Variants in PGM2L1 observed in about 807,000 individuals in gnomAD.
The protein encoded by PGM2L1 is phosphoglucomutase 2 like 1.
A neutral mutation model predicts 73.4 loss-of-function variants in PGM2L1; 35 were observed. The ratio of observed to expected loss-of-function variants is 0.48; its 90% CI spans 0.36 to 0.63. The LOEUF is 0.63. PGM2L1 is among the 30% of genes least tolerant of loss of function. The pLI, the probability that PGM2L1 is intolerant of heterozygous loss-of-function variation, is 0.00. For missense variants in PGM2L1, 570 were observed against 742.0 expected, an observed-to-expected ratio of 0.77 and a Z score of 2.69; for synonymous variants, 225 against 253.8, an observed-to-expected ratio of 0.89 and a Z score of 1.08.
intron 2 of PGM2L1, among the ~76,000 whole-genome samples, chr11:74,373,196 C>T (rs950209437): frequency 6.6e-6 from 1 of 152,156 alleles, no homozygotes; most frequent in African/African-American, 2.4e-5. Context: ...CTCCCCCACC[C>T]CTTTTTGTAA....
At chr11:74,354,886 T>C in intron 5 of PGM2L1, 1 of 861,704 alleles carries the variant, frequency 1.2e-6, no homozygotes, top group Non-Finnish European at 2.0e-6. Context: ...AAAAGGGGCT[T>C]TGTCTTTGTA....
chr11:74,381,190 T>A (rs1862937427), intron 1 of PGM2L1, among the ~76,000 whole-genome samples: 3 of 152,224 alleles, frequency 2.0e-5, no homozygotes, highest in Admixed American at 6.5e-5. Context: ...TATCCTCACC[T>A]GTAAAAAACA....
chr11:74,345,338 A>G (rs1433570439), intron 9 of PGM2L1, 131 bp downstream of exon 9: 21 of 891,600 alleles, frequency 2.4e-5, no homozygotes, highest in Non-Finnish European at 3.3e-5. Context: ...GAGACTGAAC[A>G]AGTGTTAACA....
intron 8 of PGM2L1, among the ~76,000 whole-genome samples, chr11:74,345,875 C>T (rs1484679992): frequency 1.3e-5 from 2 of 152,118 alleles, no homozygotes; most frequent in Non-Finnish European, 2.9e-5. Context: ...TACATTTATT[C>T]TTTTACTTAA....
In PGM2L1 at chr11:74,368,231, G is replaced by A. The variant is rs183674476; in HGVS notation, c.555+261C>T. 5.3e-5 allele frequency among the ~76,000 whole-genome samples: 8 copies of A among 152,310 alleles called. No individual in the cohort carries two copies. In the East Asian group the frequency reaches 1.5e-3, roughly 29 times the overall value. On this transcript the variant is annotated intron_variant, in intron 5 of 13. Coordinates refer to ENST00000298198, the MANE Select transcript of PGM2L1 (RefSeq NM_173582.6). ...TGTGACTTTATGAAACGGTAGAGAG[G>A]ATGGATTTAGGAAGGGATAGAGAAA...
chr11:74,350,740 G>A (rs1862336881), intron 6 of PGM2L1, among the ~76,000 whole-genome samples: 1 of 152,162 alleles, frequency 6.6e-6, no homozygotes, highest in African/African-American at 2.4e-5. Context: ...AGCCAGGCAT[G>A]GTAGTGGTTG....
At chr11:74,393,463 T>C (rs630078) in intron 1 of PGM2L1, among the ~76,000 whole-genome samples, 111,763 of 152,060 alleles carry the variant, frequency 0.73, 42,054 homozygotes, top group Non-Finnish European at 0.83. Flanking sequence ...TCACTCACCA[T>C]CTTTTCTATC....
chr11:74,337,614 A>G (rs960978309), intron 13 of PGM2L1, among the ~76,000 whole-genome samples: 2 of 152,218 alleles, frequency 1.3e-5, no homozygotes, highest in African/African-American at 4.8e-5. Flanking sequence ...TATGAAATTC[A>G]CTTAGTCACA....
rs145738104 is a variant in PGM2L1 at position 74,371,978 on chromosome 11, A to G, written c.280-161T>C. ...ACCAGTGTGGGAGCAATACTGTTCA[A>G]TCCAGAAATGTAAGATGACAAACAT... On this transcript the variant is annotated intron_variant, in intron 2 of 13. Transcript: ENST00000298198. 7.9e-4 allele frequency among the ~76,000 whole-genome samples: 121 copies of G among 152,282 alleles called. 1 individual carries two copies. Among genetic ancestry groups the G allele is most frequent in the African/African-American group, 2.4e-3 (99 of 41,570 alleles).
chr11:74,333,746 G>A lies in PGM2L1; in HGVS notation c.*2906C>T, dbSNP rs898961949. 8 of 152,252 alleles carry A rather than the reference G, an allele frequency of 5.3e-5. No individual in the cohort carries two copies. The East Asian group carries it at 7.7e-4, about 15-fold the overall frequency. The allele number at this position is 152,252 out of a possible 1,614,324, so 9.4% of individuals were successfully genotyped here. A position where few individuals can be genotyped will look rare whatever the true frequency, so the allele number is the denominator to read the frequency against. ...TTGCCCTTCACGAGAAGCATTTCCCGTGTCTCTTTATATTGTTTGCTTATT... is the reference window on the plus strand; with the variant it reads ...TTGCCCTTCACGAGAAGCATTTCCCATGTCTCTTTATATTGTTTGCTTATT... On this transcript the variant is annotated 3_prime_UTR_variant, in exon 14 of 14. Transcript: ENST00000298198.
At chr11:74,396,572 G>A (rs557242400) in intron 1 of PGM2L1, among the ~76,000 whole-genome samples, 62 of 152,146 alleles carry the variant, frequency 4.1e-4, no homozygotes, top group African/African-American at 1.4e-3. Flanking sequence ...CCGCCACCGC[G>A]CCCGGCTAAT....
chr11:74,342,809 A>C, intron 11 of PGM2L1, 76 bp downstream of exon 11: 1 of 1,445,026 alleles, frequency 6.9e-7, no homozygotes, highest in South Asian at 1.5e-5. Context: ...TATTCTTCAG[A>C]AACAAATTTA....
chr11:74,393,181 G>A (rs1591195196), intron 1 of PGM2L1, among the ~76,000 whole-genome samples: 1 of 152,272 alleles, frequency 6.6e-6, no homozygotes, highest in East Asian at 1.9e-4. Flanking sequence ...TTTCCCAAAA[G>A]TAATAAAGCC....
intron 9 of PGM2L1, among the ~76,000 whole-genome samples, chr11:74,344,630 A>G (rs1286608323): frequency 6.6e-6 from 1 of 152,246 alleles, no homozygotes; most frequent in African/African-American, 2.4e-5. Context: ...CAACAAAAAC[A>G]AGCAAATAAA....
chr11:74,390,752 A>C lies in PGM2L1; in HGVS notation c.111+7299T>G, dbSNP rs78731119. 9.0e-3 allele frequency among the ~76,000 whole-genome samples: 1,364 copies of C among 152,338 alleles called. 22 individuals are homozygous for C. The highest frequency in any genetic ancestry group is 0.029 in the African/African-American group (1,210 of 41,582). ...GTGCAATAAGCCCAAACCCAAAATA[A>C]CTTGATAACATGTACATTTTGTTCT... On this transcript the variant is annotated intron_variant, in intron 1 of 13. Coordinates refer to ENST00000298198, the MANE Select transcript of PGM2L1 (RefSeq NM_173582.6).
intron 5 of PGM2L1, chr11:74,354,531 T>G: frequency 1.6e-6 from 2 of 1,245,820 alleles, no homozygotes; most frequent in East Asian, 4.6e-5. Flanking sequence ...GATGAGAGCC[T>G]GAGGAGCCAT....
At chr11:74,394,985 G>A (rs1032183770) in intron 1 of PGM2L1, among the ~76,000 whole-genome samples, 4 of 152,112 alleles carry the variant, frequency 2.6e-5, no homozygotes, top group South Asian at 2.1e-4. Context: ...AATATATAAT[G>A]TAAGAAATGC....
In PGM2L1 at chr11:74,338,490, T is replaced by A; in HGVS notation, c.1744A>T (p.Met582Leu). ...TEPKIKYYAE[M>L]CASPDQSDTA... Reference sequence around the variant, plus strand: ...TACCTCTGGTCAGGTGACGCACACATCTCTGCATAATACTTTATCTTTGGT... The same window carrying A: ...TACCTCTGGTCAGGTGACGCACACAACTCTGCATAATACTTTATCTTTGGT... The change falls in exon 13 of 14, where the codon ATG becomes TTG. Residue 582 changes from methionine (M) to leucine (L), a missense_variant. Physicochemically the swap from Met to Leu is conservative, Grantham distance 15. Transcript: ENST00000298198. The A allele has an allele frequency of 6.3e-7, 1 of 1,592,732 alleles. No individual in the cohort carries two copies. The highest frequency in any genetic ancestry group is 1.1e-5 in the South Asian group (1 of 89,122).
At chr11:74,347,870 G>A (rs1410349906) in intron 6 of PGM2L1, among the ~76,000 whole-genome samples, 2 of 152,156 alleles carry the variant, frequency 1.3e-5, no homozygotes, top group African/African-American at 4.8e-5. Flanking sequence ...GGATTGAACA[G>A]CTTCACTCTG....
Sources: gnomAD v4.1 joint callset for allele counts (sites outside exome capture counted in the v4.1 genomes callset) on GRCh38, gnomAD v4.1.1 for gene constraint, MANE v1.5 for transcripts, NCBI Gene and HGNC (gene_info 2026-07-23, HGNC 2026-07-21) for gene names.